Variants in HMCN1 observed in about 807,000 individuals in gnomAD.
HMCN1 encodes hemicentin 1, also known as hemicentin-1.
In HMCN1, 321 loss-of-function variants were observed where a neutral mutation model predicts 625.9. That is an observed-to-expected ratio of 0.51 (90% CI 0.47 to 0.56). The LOEUF (loss-of-function observed/expected upper bound fraction) is 0.56. Among genes scored for constraint, HMCN1 ranks in the 20% least tolerant of loss-of-function variants. HMCN1 has a pLI of 0.00. For missense variants in HMCN1, 6,588 were observed against 6,887.3 expected, an observed-to-expected ratio of 0.96 and a Z score of 1.54; for synonymous variants, 2,425 against 2,417.6, an observed-to-expected ratio of 1.00 and a Z score of -0.09.
At chr1:185,941,536 A>G (rs1451523160) in intron 11 of HMCN1, among the ~76,000 whole-genome samples, 1 of 152,190 alleles carries the variant, frequency 6.6e-6, no homozygotes, top group Non-Finnish European at 1.5e-5. Flanking sequence ...CTGAACCAAA[A>G]TGAGGTCTAT....
chr1:185,995,122 G>C, intron 24 of HMCN1, 35 bp downstream of exon 24: 1 of 1,598,654 alleles, frequency 6.3e-7, no homozygotes, highest in African/African-American at 1.3e-5. Context: ...ATGTATGTAG[G>C]GTGGGGAGTG....
chr1:186,077,810 A>G (rs948734046), intron 54 of HMCN1, among the ~76,000 whole-genome samples: 3 of 152,202 alleles, frequency 2.0e-5, no homozygotes, highest in African/African-American at 4.8e-5. Flanking sequence ...AGGAGTCACT[A>G]TATAGTAACA....
chr1:185,926,837 A>C (rs905250061), intron 9 of HMCN1, among the ~76,000 whole-genome samples: 1 of 152,206 alleles, frequency 6.6e-6, no homozygotes, highest in Non-Finnish European at 1.5e-5. Context: ...CGTTTGCATT[A>C]GCAGCAGGGT....
chr1:186,114,424 A>G (rs967422626), intron 73 of HMCN1, among the ~76,000 whole-genome samples: 3 of 151,786 alleles, frequency 2.0e-5, no homozygotes, highest in African/African-American at 7.3e-5. Context: ...CGCCCAGCTA[A>G]TTTTTTGTAT....
intron 4 of HMCN1, among the ~76,000 whole-genome samples, chr1:185,893,914 C>T (rs1052555790): frequency 1.3e-5 from 2 of 152,022 alleles, no homozygotes; most frequent in African/African-American, 2.4e-5. Context: ...TCCATAAAAC[C>T]GTCCTTCATA....
At position 186,137,829 on chromosome 1, in the gene HMCN1, T is replaced by C. The variant is rs369542906; in HGVS notation, c.13781T>C (p.Leu4594Pro). The change falls in exon 89 of 107, where the codon CTT becomes CCT. Residue 4594 changes from leucine to proline, a missense_variant. Physicochemically the swap from Leu to Pro is moderately conservative, Grantham distance 98. This residue lies in a region of HMCN1 where 1,954 missense variants were observed against 2,013.1 expected (regional missense o/e 0.97). Transcript: ENST00000271588. ...PVDGSWSEWS[L>P]WEECTRSCGR... Reference sequence around the variant, plus strand: ...GATGGTAGCTGGTCGGAATGGAGTCTTTGGGAAGAATGCACAAGGAGCTGT... The same window carrying C: ...GATGGTAGCTGGTCGGAATGGAGTCCTTGGGAAGAATGCACAAGGAGCTGT... 1.9e-6 allele frequency: 3 copies of C among 1,614,072 alleles called. No individual in the cohort carries two copies. Among genetic ancestry groups the C allele is most frequent in the Non-Finnish European group, 1.7e-6 (2 of 1,179,958 alleles).
At chr1:185,768,387 G>A (rs942111987) in intron 1 of HMCN1, among the ~76,000 whole-genome samples, 1 of 152,156 alleles carries the variant, frequency 6.6e-6, no homozygotes, top group African/African-American at 2.4e-5. Flanking sequence ...TGTTTGACAG[G>A]AAAGCATGTA....
chr1:185,974,523 C>G (rs535381147), intron 15 of HMCN1, among the ~76,000 whole-genome samples: 84 of 152,078 alleles, frequency 5.5e-4, no homozygotes, highest in Non-Finnish European at 9.1e-4. Flanking sequence ...AGCAAACAGC[C>G]TCCTCTGTAG....
chr1:185,995,158 A>G lies in HMCN1; in HGVS notation c.3778+71A>G. 4 of 1,349,426 alleles carry G rather than the reference A, an allele frequency of 3.0e-6. 1 individual carries two copies. In the South Asian group the frequency reaches 4.7e-5, roughly 16 times the overall value. The allele number at this position is 1,349,426 out of a possible 1,614,324, so 83.6% of individuals were successfully genotyped here. A position where few individuals can be genotyped will look rare whatever the true frequency, so the allele number is the denominator to read the frequency against. Reference sequence around the variant, plus strand: ...AGAGAAAAGCCCTAGAGCTAAATAGATTATCTTCGATAATCTTAAATGACT... The same window carrying G: ...AGAGAAAAGCCCTAGAGCTAAATAGGTTATCTTCGATAATCTTAAATGACT... On this transcript the variant is annotated intron_variant, in intron 24 of 106. Coordinates refer to ENST00000271588, the MANE Select transcript of HMCN1 (RefSeq NM_031935.3).
chr1:186,067,934 T>G lies in HMCN1; in HGVS notation c.7806T>G (p.Tyr2602Ter). ...CTTTGGTCTGTGAAGCTTATTCATATCCTCCAGCTACCATCACCTGGTTTA... is the reference window on the plus strand; with the variant it reads ...CTTTGGTCTGTGAAGCTTATTCATAGCCTCCAGCTACCATCACCTGGTTTA... ...PTSLVCEAYSYPPATITWFKD... is the reference protein window; with the variant it reads ...PTSLVCEAYS The change falls in exon 50 of 107, where the codon TAT becomes TAG. Residue 2602 changes from tyrosine to a stop codon, truncating the protein, a stop_gained. Coordinates refer to ENST00000271588, the MANE Select transcript of HMCN1 (RefSeq NM_031935.3). LOFTEE classifies it high-confidence loss of function. 6.2e-7 allele frequency: 1 copy of G among 1,613,522 alleles called. No individual in the cohort carries two copies.
intron 1 of HMCN1, among the ~76,000 whole-genome samples, chr1:185,802,137 T>G (rs536215168): frequency 9.9e-4 from 151 of 152,210 alleles, no homozygotes; most frequent in African/African-American, 3.5e-3. Flanking sequence ...GATTTAGTGA[T>G]GGCTTGGGTA....
intron 105 of HMCN1, among the ~76,000 whole-genome samples, chr1:186,186,288 A>C (rs1653296760): frequency 6.6e-6 from 1 of 152,214 alleles, no homozygotes; most frequent in Non-Finnish European, 1.5e-5. Flanking sequence ...AGCTAATGGG[A>C]GGCCGAGGTG....
intron 21 of HMCN1, 90 bp downstream of exon 21, chr1:185,989,737 T>C (rs975439682): frequency 1.6e-6 from 2 of 1,247,416 alleles, no homozygotes; most frequent in Admixed American, 3.7e-5. Flanking sequence ...ACCAGATGCA[T>C]GTACCCCTAA....
chr1:185,956,816 T>C (rs889325005), intron 11 of HMCN1, among the ~76,000 whole-genome samples: 2 of 152,192 alleles, frequency 1.3e-5, no homozygotes, highest in Non-Finnish European at 2.9e-5. Context: ...GGACCCCCAG[T>C]CACCAATCAT....
At chr1:185,861,473 T>G (rs1453542473) in intron 2 of HMCN1, among the ~76,000 whole-genome samples, 1 of 152,206 alleles carries the variant, frequency 6.6e-6, no homozygotes, top group Admixed American at 6.5e-5. Flanking sequence ...AGGTGCACAG[T>G]GTCATGCGCA....
rs375546957 is a variant in HMCN1, at chr1:185,970,397, A to T, written c.2275A>T (p.Ile759Phe). The stretch of plus-strand genomic sequence containing the variant: ...TGACCCTCTCTTGGGACTTTTGAAG[A>T]TTCAAGAAACACAAGATCTGGATGC... ...IIDPLLGLLKIQETQDLDAGD... is the reference protein window; with the variant it reads ...IIDPLLGLLKFQETQDLDAGD... The change falls in exon 15 of 107, where the codon ATT becomes TTT. Residue 759 changes from isoleucine (I) to phenylalanine (F), a missense_variant. Transcript: ENST00000271588. The T allele has an allele frequency of 1.8e-5, 29 of 1,613,538 alleles. No individual in the cohort carries two copies. The highest frequency in any genetic ancestry group is 2.7e-5 in the African/African-American group (2 of 74,928).
At chr1:186,061,787 G>T in intron 46 of HMCN1, 64 bp from the exon 47 acceptor site, 2 of 1,104,514 alleles carry the variant, frequency 1.8e-6, no homozygotes, top group South Asian at 1.3e-5. Context: ...AGCATCACTT[G>T]GATGGCTTAT....
At chr1:185,830,068 T>C (rs1490870146) in intron 1 of HMCN1, among the ~76,000 whole-genome samples, 1 of 152,218 alleles carries the variant, frequency 6.6e-6, no homozygotes, top group Non-Finnish European at 1.5e-5. Context: ...TCTATTCATA[T>C]CCTTTGCCCA....
At chr1:185,812,990 A>C (rs1659621875) in intron 1 of HMCN1, among the ~76,000 whole-genome samples, 1 of 152,142 alleles carries the variant, frequency 6.6e-6, no homozygotes, top group African/African-American at 2.4e-5. Context: ...ATGTTTTCTC[A>C]TGAGAGGACT....
Sources: gnomAD v4.1 joint callset for allele counts (sites outside exome capture counted in the v4.1 genomes callset) on GRCh38, gnomAD v4.1.1 for gene constraint, gnomAD v4.1.1 regional missense constraint, MANE v1.5 for transcripts, NCBI Gene and HGNC (gene_info 2026-07-23, HGNC 2026-07-21) for gene names.